The following DGLUCY variants were observed in gnomAD, a reference collection of about 807,000 sequenced individuals.
The protein encoded by DGLUCY is D-glutamate cyclase, mitochondrial.
DGLUCY carries 58 observed loss-of-function variants against 58.5 expected under a neutral mutation model. The observed-to-expected ratio is 0.99, with a 90% confidence interval of 0.80 to 1.23. The LOEUF is 1.23. Among genes scored for constraint, DGLUCY ranks in the 50% most tolerant of loss-of-function variants. The probability of loss-of-function intolerance (pLI) is 0.00; values close to 1 mark genes in which losing one functional copy is unlikely to be tolerated. For missense variants in DGLUCY, 779 were observed against 784.7 expected (o/e 0.99, Z 0.09); for synonymous variants, 325 against 314.1 (o/e 1.03, Z -0.37).
At chr14:91,153,875 G>C (rs180800554) in intron 1 of DGLUCY, among the ~76,000 whole-genome samples, 6 of 152,272 alleles carry the variant, frequency 3.9e-5, no homozygotes, top group African/African-American at 1.4e-4. Flanking sequence ...TGCACCCAAG[G>C]TGGTCGGGGT....
intron 2 of DGLUCY, 29 bp from the exon 3 acceptor site, chr14:91,160,237 A>G (rs970777146): frequency 7.2e-7 from 1 of 1,389,030 alleles, no homozygotes; most frequent in Admixed American, 1.7e-5. Flanking sequence ...CACACTTTCT[A>G]ATTTGTTCCC....
intron 13 of DGLUCY, among the ~76,000 whole-genome samples, chr14:91,222,354 G>C (rs1291842730): frequency 6.6e-6 from 1 of 152,204 alleles, no homozygotes; most frequent in South Asian, 2.1e-4. Context: ...GGATGAGAAT[G>C]GTGAGGGAAA....
At chr14:91,198,131 C>T (rs973263759) in intron 10 of DGLUCY, among the ~76,000 whole-genome samples, 27 of 152,184 alleles carry the variant, frequency 1.8e-4, no homozygotes, top group African/African-American at 6.0e-4. Context: ...CAGCCTCTGC[C>T]TCCCGGGTTC....
chr14:91,084,445 CCCACCCATCTTGG>C (rs553154798), intron 1 of DGLUCY, among the ~76,000 whole-genome samples: 18 of 151,976 alleles, frequency 1.2e-4, no homozygotes, highest in Non-Finnish European at 2.6e-4. Context: ...CCTCAAGTGA[CCCACCCATCTTGG>C]CCACCCAAAG....
At chr14:91,074,116 T>TACACACACACACAC (rs1280375718) in intron 1 of DGLUCY, among the ~76,000 whole-genome samples, 792 of 77,392 alleles carry the variant, frequency 0.01, 14 homozygotes, top group Middle Eastern at 0.016. Flanking sequence ...TATATATATA[T>TACACACACACACAC]ATACACACAC....
intron 12 of DGLUCY, among the ~76,000 whole-genome samples, chr14:91,213,835 G>A (rs897825631): frequency 6.6e-6 from 1 of 152,018 alleles, no homozygotes; most frequent in Non-Finnish European, 1.5e-5. Context: ...GAGTAGCTAG[G>A]ATTACAGGCA....
Position 91,081,978 on chromosome 14 carries a change from C to A in DGLUCY, c.-82+21274C>A, listed in dbSNP as rs185542010. On this transcript the variant is annotated intron_variant, in intron 1 of 4. Transcript: ENST00000521334. ...CCTCCTGTCGTCCCACTCATAAGGA[C>A]CTTCATGATTACATTGGGCCCACCC... Among the ~76,000 whole-genome samples the A allele has an allele frequency of 1.0e-3, 155 of 152,204 alleles. 1 individual carries two copies. Among genetic ancestry groups the A allele is most frequent in the African/African-American group, 3.5e-3 (147 of 41,540 alleles).
At chr14:91,180,906 T>A (rs896225078) in intron 7 of DGLUCY, among the ~76,000 whole-genome samples, 1 of 152,222 alleles carries the variant, frequency 6.6e-6, no homozygotes, top group African/African-American at 2.4e-5. Context: ...ATTGATGGAA[T>A]CGCCTAGAGC....
At chr14:91,128,309 CAAAAAAA>C (rs34796763) in intron 1 of DGLUCY, among the ~76,000 whole-genome samples, 5 of 102,934 alleles carry the variant, frequency 4.9e-5, no homozygotes, top group Non-Finnish European at 9.6e-5. Flanking sequence ...CCCATCTCTA[CAAAAAAA>C]AAAAAAAAAA....
chr14:91,128,045 G>C (rs555809623), intron 1 of DGLUCY, among the ~76,000 whole-genome samples: 1 of 151,406 alleles, frequency 6.6e-6, no homozygotes, highest in Non-Finnish European at 1.5e-5. Context: ...TGCTCACCCC[G>C]AGTCAGGAAG....
In DGLUCY at chr14:91,067,216, A is replaced by G. The variant is rs113679241; in HGVS notation, c.-82+6512A>G. On this transcript the variant is annotated intron_variant, in intron 1 of 4. Coordinates refer to the DGLUCY transcript ENST00000521334. ...ACCAAACCCAGGCTTGCTTCTTGGTATAATCACAAATGAAAGGGAACCAAA... is the reference window on the plus strand; with the variant it reads ...ACCAAACCCAGGCTTGCTTCTTGGTGTAATCACAAATGAAAGGGAACCAAA... Among the ~76,000 whole-genome samples, 306 of 152,256 alleles carry G rather than the reference A, an allele frequency of 2.0e-3. 2 individuals carry two copies. Among genetic ancestry groups the G allele is most frequent in the African/African-American group, 7.1e-3 (295 of 41,548 alleles).
chr14:91,187,912 A>T (rs2049621311), intron 8 of DGLUCY, among the ~76,000 whole-genome samples: 1 of 151,958 alleles, frequency 6.6e-6, no homozygotes, highest in Non-Finnish European at 1.5e-5. Context: ...CCACTGAAAT[A>T]CTTGTGCCCA....
intron 1 of DGLUCY, among the ~76,000 whole-genome samples, chr14:91,102,822 C>T (rs1481807137): frequency 3.4e-5 from 5 of 148,082 alleles, no homozygotes; most frequent in South Asian, 2.1e-4. Context: ...CCAGCAGTGG[C>T]GTGATCTCGG....
rs2043843373 is a variant in DGLUCY at position 91,067,522 on chromosome 14, G to A, written c.-82+6818G>A. Among the ~76,000 whole-genome samples, 2 of 151,854 alleles carry A rather than the reference G, an allele frequency of 1.3e-5. 1 individual carries two copies. The highest frequency in any genetic ancestry group is 4.2e-4 in the South Asian group (2 of 4,818). ...GATAAGAAAGAAAATCTTTCAAAAA[G>A]TCAAAAACTACATTACCAATATCTT... is the stretch of plus-strand genomic sequence containing the variant. On this transcript the variant is annotated intron_variant, in intron 1 of 4. Transcript: ENST00000521334.
intron 13 of DGLUCY, among the ~76,000 whole-genome samples, chr14:91,218,601 C>A (rs963773299): frequency 1.3e-5 from 2 of 151,910 alleles, no homozygotes; most frequent in African/African-American, 2.4e-5. Flanking sequence ...CGGGGTTTCA[C>A]CATGTTGGCC....
rs547526016 is a variant in DGLUCY at position 91,168,149 on chromosome 14, G to C, written c.257+771G>C. Reference sequence around the variant, plus strand: ...ACTGGGCATAGCGGTGCACACCTGTGGTCCCAGCTACTCGGGAGGCTGAGG... The same window carrying C: ...ACTGGGCATAGCGGTGCACACCTGTCGTCCCAGCTACTCGGGAGGCTGAGG... On this transcript the variant is annotated intron_variant, in intron 4 of 13. Coordinates refer to ENST00000256324, the MANE Select transcript of DGLUCY (RefSeq NM_001102368.3). 7.9e-5 allele frequency among the ~76,000 whole-genome samples: 12 copies of C among 151,942 alleles called. No homozygotes were observed. The South Asian group carries it at 2.5e-3, about 32-fold the overall frequency.
chr14:91,135,558 G>A (rs1221010124), intron 1 of DGLUCY, among the ~76,000 whole-genome samples: 1 of 150,804 alleles, frequency 6.6e-6, no homozygotes, highest in Non-Finnish European at 1.5e-5. Flanking sequence ...GCTGAGGCAG[G>A]AGAATCACTT....
chr14:91,158,063 G>A (rs965258670), intron 2 of DGLUCY, among the ~76,000 whole-genome samples: 1 of 152,158 alleles, frequency 6.6e-6, no homozygotes, highest in Non-Finnish European at 1.5e-5. Context: ...TCCCCACAAG[G>A]TTATGGAAAG....
At position 91,170,157 on chromosome 14, in the gene DGLUCY, C is replaced by T; in HGVS notation, c.412C>T (p.Pro138Ser). 1.2e-6 allele frequency: 2 copies of T among 1,613,688 alleles called. No individual in the cohort carries two copies. The highest frequency in any genetic ancestry group is 8.5e-7 in the Non-Finnish European group (1 of 1,180,030). ...LEEALEKAGL[P>S]RRDPAGHSQA... Reference sequence around the variant, plus strand: ...GGAGGCCTTGGAGAAAGCGGGGCTCCCCAGAAGAGACCCAGCAGGTCACAG... The same window carrying T: ...GGAGGCCTTGGAGAAAGCGGGGCTCTCCAGAAGAGACCCAGCAGGTCACAG... Residue 138 changes from proline to serine, a missense_variant, in exon 5 of 14, where the codon CCC becomes TCC. Pro to Ser is a moderately conservative substitution (Grantham distance 74). Transcript: ENST00000256324.
Sources: allele counts gnomAD v4.1 joint callset (sites outside exome capture counted in the v4.1 genomes callset), GRCh38; gene constraint gnomAD v4.1.1; transcripts MANE v1.5; gene names NCBI Gene and HGNC (gene_info 2026-07-23, HGNC 2026-07-21).